Variants in TRMT1 observed in about 807,000 individuals in gnomAD.
TRMT1 encodes the protein tRNA methyltransferase 1.
Under a neutral mutation model 75.4 loss-of-function variants are expected in TRMT1, and 63 were observed. The observed-to-expected ratio is 0.84, with a 90% confidence interval of 0.68 to 1.03. TRMT1 has a LOEUF of 1.03. TRMT1 is among the 50% of genes least tolerant of loss of function. TRMT1 has a pLI of 0.00. For synonymous variants in TRMT1, 382 were observed against 358.1 expected (o/e 1.07, Z -0.75); for missense variants, 870 against 905.3 (o/e 0.96, Z 0.50).
intron 7 of TRMT1, among the ~76,000 whole-genome samples, chr19:13,110,640 G>A (rs761531386): frequency 5.9e-5 from 9 of 152,218 alleles, no homozygotes; most frequent in Non-Finnish European, 8.8e-5. Flanking sequence ...AGGGCTCTGT[G>A]GGCAGGAAGT....
rs141459890 is a variant in TRMT1 at position 13,105,292 on chromosome 19, G to C, written c.1808C>G (p.Thr603Arg). The C allele has an allele frequency of 8.1e-6, 13 of 1,613,882 alleles. No homozygotes were observed. In the African/African-American group the frequency reaches 1.6e-4, roughly 20 times the overall value. The part of the protein sequence containing the change: ...DVAQRAARLK[T>R]FPCKRFKEGT... ...CTCCTTAAACCTCTTGCAAGGAAAT[G>C]TCTTGAGCCGGGCAGCCCGCTGGGC... Residue 603 changes from threonine to arginine, a missense_variant, in exon 16 of 17, where the codon ACA becomes AGA. Thr to Arg is a moderately conservative substitution (Grantham distance 71). Transcript: ENST00000357720.
Position 13,105,407 on chromosome 19 carries a change from G to A in TRMT1, c.1704-11C>T, listed in dbSNP as rs75742288. 2.3e-3 allele frequency: 3,704 copies of A among 1,613,626 alleles called. 80 individuals are homozygous for A. In the African/African-American group the frequency reaches 0.043, roughly 19 times the overall value. On this transcript the variant is annotated splice_polypyrimidine_tract_variant and intron_variant, in intron 15 of 16. Transcript: ENST00000357720. The stretch of plus-strand genomic sequence containing the variant: ...TCGGCCGCCTTGCCCCTGTGCGAGG[G>A]GAGGAGTAGGTGGGACCCCATCTGC...
rs762498716 is a variant in TRMT1, at chr19:13,110,197, C to T, written c.980G>A (p.Arg327His). ...GACCTTGGCCTGGCCGGTGAAGACA[C>T]GGACAAAAACACGCACGTAGAAGTC... ...SADFYVRVFV[R>H]VFTGQAKVKA... is the part of the protein sequence containing the mutation. Residue 327 changes from arginine to histidine, a missense_variant, in exon 8 of 17, where the codon CGT becomes CAT. Transcript: ENST00000357720. 90 of 1,612,398 alleles carry T rather than the reference C, an allele frequency of 5.6e-5. No individual in the cohort carries two copies. Among genetic ancestry groups the T allele is most frequent in the Middle Eastern group, 2.1e-4 (1 of 4,766 alleles).
In TRMT1 at chr19:13,109,315, C is replaced by T. The variant is rs1014576308; in HGVS notation, c.1397+66G>A. On this transcript the variant is annotated intron_variant, in intron 12 of 16. Transcript: ENST00000357720. Reference sequence around the variant, plus strand: ...CCTCGCAAGTTCTATGCATGAGAATCCCTGGACTTGCCCCAGGCCACCCTG... The same window carrying T: ...CCTCGCAAGTTCTATGCATGAGAATTCCTGGACTTGCCCCAGGCCACCCTG... 3.8e-6 allele frequency: 6 copies of T among 1,580,856 alleles called. No individual in the cohort carries two copies. The African/African-American group carries it at 5.4e-5, about 14-fold the overall frequency.
intron 12 of TRMT1, among the ~76,000 whole-genome samples, chr19:13,109,097 T>C (rs1483604329): frequency 1.3e-5 from 2 of 151,678 alleles, no homozygotes; most frequent in Non-Finnish European, 2.9e-5. Flanking sequence ...TGTGTGTGTG[T>C]GTGTGTGTGT....
chr19:13,116,043 C>G lies in TRMT1; in HGVS notation c.264G>C (p.Val88=). 6.2e-7 allele frequency: 1 copy of G among 1,614,080 alleles called. No homozygotes were observed. ...QEFNRDLTCA[V]ITEFARIQLG... The stretch of plus-strand genomic sequence containing the variant: ...GCTGAATGCGAGCAAACTCGGTGAT[C>G]ACAGCACATCTGGTGGGAGACAGAG... Residue 88 remains valine, a synonymous_variant, in exon 3 of 17, where the codon GTG becomes GTC. Coordinates refer to ENST00000357720, the MANE Select transcript of TRMT1 (RefSeq NM_001136035.4).
rs756912657 is a variant in TRMT1 at position 13,112,666 on chromosome 19, C to A, written c.870+39G>T. On this transcript the variant is annotated intron_variant, in intron 7 of 16. Coordinates refer to ENST00000357720, the MANE Select transcript of TRMT1 (RefSeq NM_001136035.4). ...GGAAGGGACTCAGACAACCACCTGT[C>A]CCCCGGTCTCCCTGGCTGGCTGGCA... 1.3e-6 allele frequency: 2 copies of A among 1,584,184 alleles called. 1 individual carries two copies.
chr19:13,115,201 G>T, intron 5 of TRMT1, 78 bp downstream of exon 5: 1 of 1,457,170 alleles, frequency 6.9e-7, no homozygotes, highest in South Asian at 1.3e-5. Context: ...CAAGGTCACA[G>T]AGTGAGAATG....
At chr19:13,110,445 A>G in intron 7 of TRMT1, 139 bp from the exon 8 acceptor site, 1 of 988,310 alleles carries the variant, frequency 1.0e-6, no homozygotes, top group Middle Eastern at 3.1e-4. Context: ...TGGCTGTGGG[A>G]CCCTCAACAA....
chr19:13,115,960 T>C, intron 3 of TRMT1, 37 bp downstream of exon 3: 1 of 1,613,762 alleles, frequency 6.2e-7, no homozygotes, highest in Non-Finnish European at 8.5e-7. Flanking sequence ...TAAACTTGTG[T>C]GACCCCCGCC....
In TRMT1 at chr19:13,104,971, A is replaced by G. The variant is rs755918592; in HGVS notation, c.1944T>C (p.Pro648=). ...CTGGCCCAGCGGCAGCCCCAGGTCCAGGGGGGGTCTGGTTGGAGGTCTCTG... is the reference window on the plus strand; with the variant it reads ...CTGGCCCAGCGGCAGCCCCAGGTCCGGGGGGGGTCTGGTTGGAGGTCTCTG... ...DCPETSNQTP[P]GPGAAAGPGI... Residue 648 remains proline (P), a synonymous_variant, in exon 17 of 17, where the codon CCT becomes CCC. Coordinates refer to ENST00000357720, the MANE Select transcript of TRMT1 (RefSeq NM_001136035.4). 1.2e-6 allele frequency: 2 copies of G among 1,613,662 alleles called. No homozygotes were observed. The highest frequency in any genetic ancestry group is 1.7e-6 in the Non-Finnish European group (2 of 1,179,886).
chr19:13,106,984 C>T lies in TRMT1; in HGVS notation c.1583+590G>A, dbSNP rs1243681633. 1.0e-4 allele frequency among the ~76,000 whole-genome samples: 15 copies of T among 146,212 alleles called. No individual in the cohort carries two copies. The East Asian group carries it at 1.8e-3, about 18-fold the overall frequency. On this transcript the variant is annotated intron_variant, in intron 14 of 16. Coordinates refer to ENST00000357720, the MANE Select transcript of TRMT1 (RefSeq NM_001136035.4). ...GACTACAGGCACCTGCCACCACGCC[C>T]GGCTAATTTTTTTTTTTTTTTTTTT...
Position 13,116,068 on chromosome 19 carries a change from G to A in TRMT1, c.255-16C>T, listed in dbSNP as rs368192324. ...CACAGCACATCTGGTGGGAGACAGAGGACTAGCTCATACCCCGCCCCCGCC... is the reference window on the plus strand; with the variant it reads ...CACAGCACATCTGGTGGGAGACAGAAGACTAGCTCATACCCCGCCCCCGCC... On this transcript the variant is annotated splice_polypyrimidine_tract_variant and intron_variant, in intron 2 of 16. Coordinates refer to ENST00000357720, the MANE Select transcript of TRMT1 (RefSeq NM_001136035.4). 5 of 1,613,100 alleles carry A rather than the reference G, an allele frequency of 3.1e-6. No individual in the cohort carries two copies. The African/African-American group carries it at 4.0e-5, about 13-fold the overall frequency.
chr19:13,107,910 A>T (rs868339179), intron 12 of TRMT1, 51 bp from the exon 13 acceptor site: 1 of 1,495,666 alleles, frequency 6.7e-7, no homozygotes, highest in Middle Eastern at 1.7e-4. Flanking sequence ...TTGACCCCAA[A>T]GCCCAAGCTG....
intron 7 of TRMT1, 90 bp from the exon 8 acceptor site, chr19:13,110,396 G>T: frequency 1.4e-6 from 2 of 1,420,490 alleles, no homozygotes; most frequent in African/African-American, 1.4e-5. Context: ...ACAGGCTCAG[G>T]GCCAGCTCCC....
At chr19:13,107,695 C>A in intron 13 of TRMT1, 45 bp from the exon 14 acceptor site, 1 of 1,572,866 alleles carries the variant, frequency 6.4e-7, no homozygotes, top group Non-Finnish European at 8.6e-7. Flanking sequence ...GCCCAAGGGA[C>A]CTCCAGGTGA....
intron 12 of TRMT1, among the ~76,000 whole-genome samples, chr19:13,108,231 C>T (rs1219193705): frequency 6.6e-6 from 1 of 151,632 alleles, no homozygotes; most frequent in Admixed American, 6.6e-5. Context: ...CCTTGTGATC[C>T]GCCCGCCTCA....
chr19:13,115,505 CT>C, intron 4 of TRMT1, 39 bp from the exon 5 acceptor site: 1 of 1,602,068 alleles, frequency 6.2e-7, no homozygotes, highest in Non-Finnish European at 8.5e-7. Context: ...ACATCTCCAC[CT>C]CCATCCTCTT....
chr19:13,113,969 C>A (rs1000539613), intron 5 of TRMT1, among the ~76,000 whole-genome samples: 2 of 152,126 alleles, frequency 1.3e-5, no homozygotes, highest in African/African-American at 4.8e-5. Flanking sequence ...GTCTTGAAAT[C>A]CTGGCCTCAA....
Sources: allele counts gnomAD v4.1 joint callset (sites outside exome capture counted in the v4.1 genomes callset), GRCh38; gene constraint gnomAD v4.1.1; transcripts MANE v1.5; gene names NCBI Gene and HGNC (gene_info 2026-07-23, HGNC 2026-07-21).